NFKB1: variants seen among roughly 807,000 people sequenced by gnomAD.
NFKB1 encodes nuclear factor kappa B subunit 1, also known as nuclear factor NF-kappa-B p105 subunit.
A neutral mutation model predicts 105.1 loss-of-function variants in NFKB1; 9 were observed. The ratio of observed to expected loss-of-function variants is 0.09; its 90% CI spans 0.05 to 0.15. The LOEUF is 0.15. NFKB1 is among the 10% of genes least tolerant of loss of function. The probability of loss-of-function intolerance (pLI) is 1.00; values close to 1 mark genes in which losing one functional copy is unlikely to be tolerated. For missense variants in NFKB1, 830 were observed against 1,203.7 expected, an observed-to-expected ratio of 0.69 and a Z score of 4.59; for synonymous variants, 440 against 442.2, an observed-to-expected ratio of 1.00 and a Z score of 0.06.
At chr4:102,558,587 A>G (rs938213862) in intron 5 of NFKB1, among the ~76,000 whole-genome samples, 1 of 152,204 alleles carries the variant, frequency 6.6e-6, no homozygotes, top group Non-Finnish European at 1.5e-5. Flanking sequence ...AATGCCCACA[A>G]TATGACAAGC....
At chr4:102,518,816 G>T (rs1278058732) in intron 1 of NFKB1, among the ~76,000 whole-genome samples, 1 of 152,184 alleles carries the variant, frequency 6.6e-6, no homozygotes, top group Non-Finnish European at 1.5e-5. Context: ...AGGACTGCCT[G>T]TCTGTGCTCC....
intron 13 of NFKB1, among the ~76,000 whole-genome samples, chr4:102,595,226 A>G (rs1374850245): frequency 6.6e-6 from 1 of 152,240 alleles, no homozygotes; most frequent in Non-Finnish European, 1.5e-5. Context: ...AGAAAAGAGC[A>G]TTGAAAAGAG....
chr4:102,508,301 C>G, intron 1 of NFKB1, among the ~76,000 whole-genome samples: 1 of 152,032 alleles, frequency 6.6e-6, no homozygotes, highest in African/African-American at 2.4e-5. Flanking sequence ...CAAGAACCTT[C>G]ATGATTTATA....
intron 5 of NFKB1, among the ~76,000 whole-genome samples, chr4:102,545,575 C>G (rs1250912716): frequency 2.6e-5 from 4 of 152,008 alleles, no homozygotes; most frequent in Non-Finnish European, 5.9e-5. Context: ...GGTTTAAGGG[C>G]CTGCACTCTT....
At chr4:102,517,557 G>A (rs1208623667) in intron 1 of NFKB1, among the ~76,000 whole-genome samples, 1 of 152,182 alleles carries the variant, frequency 6.6e-6, no homozygotes, top group Non-Finnish European at 1.5e-5. Context: ...CTATCCATTT[G>A]AGAAGATGAT....
chr4:102,613,240 C>A (rs1728596490), intron 22 of NFKB1, among the ~76,000 whole-genome samples, 185 bp from the exon 23 acceptor site: 1 of 152,082 alleles, frequency 6.6e-6, no homozygotes, highest in South Asian at 2.1e-4. Context: ...GGTCTTTGAG[C>A]CGAAACAGGA....
chr4:102,572,759 C>T (rs141219104), intron 6 of NFKB1, among the ~76,000 whole-genome samples: 98 of 152,276 alleles, frequency 6.4e-4, no homozygotes, highest in Middle Eastern at 3.4e-3. Flanking sequence ...GTATCTAAAA[C>T]AGTCACTTAT....
chr4:102,602,711 G>A (rs1326994041), intron 16 of NFKB1, among the ~76,000 whole-genome samples: 1 of 152,110 alleles, frequency 6.6e-6, no homozygotes, highest in Non-Finnish European at 1.5e-5. Flanking sequence ...CTTCTTCACT[G>A]GCTCTTGTGC....
At chr4:102,565,067 C>A (rs1433807846) in intron 5 of NFKB1, among the ~76,000 whole-genome samples, 4 of 152,106 alleles carry the variant, frequency 2.6e-5, no homozygotes, top group African/African-American at 9.7e-5. Flanking sequence ...ATACCCCATC[C>A]CACATTTAAG....
chr4:102,526,041 C>G (rs780461249), intron 2 of NFKB1, among the ~76,000 whole-genome samples: 5 of 152,132 alleles, frequency 3.3e-5, no homozygotes, highest in Non-Finnish European at 7.4e-5. Context: ...TTGTCACGTG[C>G]GCTTCTTCCC....
At chr4:102,514,777 C>T (rs1481656074) in intron 1 of NFKB1, among the ~76,000 whole-genome samples, 2 of 152,080 alleles carry the variant, frequency 1.3e-5, no homozygotes, top group Non-Finnish European at 1.5e-5. Context: ...TTAATAGGTG[C>T]GTACACAATA....
At position 102,597,677 on chromosome 4, in the gene NFKB1, T is replaced by A. The variant is rs1560708133; in HGVS notation, c.1637+16T>A. On this transcript the variant is annotated intron_variant, in intron 15 of 23. Coordinates refer to ENST00000226574, the MANE Select transcript of NFKB1 (RefSeq NM_003998.4). ...ATGGGGACAGGTAAGTCAGAACTTTTGCATGATAGGTTGTCCTGGGTGGGG... is the reference window on the plus strand; with the variant it reads ...ATGGGGACAGGTAAGTCAGAACTTTAGCATGATAGGTTGTCCTGGGTGGGG... The A allele has an allele frequency of 1.2e-6, 2 of 1,604,814 alleles. No individual in the cohort carries two copies. The highest frequency in any genetic ancestry group is 1.7e-6 in the Non-Finnish European group (2 of 1,173,928).
At chr4:102,610,457 A>T (rs1728291307) in intron 19 of NFKB1, 118 bp from the exon 20 acceptor site, 3 of 959,244 alleles carry the variant, frequency 3.1e-6, no homozygotes, top group Admixed American at 2.3e-5. Context: ...TTTAAAAATT[A>T]TCCAGGAGAT....
intron 1 of NFKB1, among the ~76,000 whole-genome samples, chr4:102,506,202 T>A (rs1175970273): frequency 2.0e-5 from 3 of 152,150 alleles, no homozygotes; most frequent in Non-Finnish European, 4.4e-5. Flanking sequence ...AAAAATGTAA[T>A]TTTTTGGTGA....
rs761695940 is a variant in NFKB1, at chr4:102,612,599, A to G, written c.2585A>G (p.Asn862Ser). 3.1e-6 allele frequency: 5 copies of G among 1,613,348 alleles called. No homozygotes were observed. Among genetic ancestry groups the G allele is most frequent in the Non-Finnish European group, 4.2e-6 (5 of 1,179,896 alleles). ...GCTCCTTCCAAAACACTTATGGACA[A>G]CTATGAGGTAACACCTTACCTTACA... Reference protein sequence around the residue: ...SPAPSKTLMDNYEVSGGTVRE... With the variant: ...SPAPSKTLMDSYEVSGGTVRE... The change falls in exon 22 of 24, where the codon AAC becomes AGC. Residue 862 changes from asparagine (N) to serine (S), a missense_variant. Physicochemically the swap from Asn to Ser is conservative, Grantham distance 46 (BLOSUM62 1). This residue lies in a region of NFKB1 where 418 missense variants were observed against 575.3 expected (regional missense o/e 0.73). Transcript: ENST00000226574.
At chr4:102,589,538 G>T (rs1177283942) in intron 11 of NFKB1, among the ~76,000 whole-genome samples, 1 of 150,822 alleles carries the variant, frequency 6.6e-6, no homozygotes, top group Non-Finnish European at 1.5e-5. Context: ...AGTGTACTTT[G>T]TTACCCTGCT....
intron 5 of NFKB1, among the ~76,000 whole-genome samples, chr4:102,563,136 G>A (rs950515788): frequency 6.6e-6 from 1 of 152,180 alleles, no homozygotes; most frequent in Non-Finnish European, 1.5e-5. Context: ...ATAAAAAGAG[G>A]TAATTTGACT....
At position 102,612,457 on chromosome 4, in the gene NFKB1, G is replaced by T; in HGVS notation, c.2443G>T (p.Asp815Tyr). Residue 815 changes from aspartate (D) to tyrosine (Y), a missense_variant, in exon 22 of 24, where the codon GAT (aspartate) becomes TAT (tyrosine). Asp to Tyr is a radical substitution (Grantham distance 160). Coordinates refer to ENST00000226574, the MANE Select transcript of NFKB1 (RefSeq NM_003998.4). ...AGGAGACATGAAACAGCTGGCTGAA[G>T]ATGTGAAGCTGCAGCTGTATAAGTT... ...AQGDMKQLAE[D>Y]VKLQLYKLLE... 1 of 1,613,386 alleles carries T rather than the reference G, an allele frequency of 6.2e-7. No individual in the cohort carries two copies. The highest frequency in any genetic ancestry group is 8.5e-7 in the Non-Finnish European group (1 of 1,180,008).
rs4648079 is a variant in NFKB1, at chr4:102,599,210, C to T, written c.1637+1549C>T. Among the ~76,000 whole-genome samples the T allele has an allele frequency of 3.6e-3, 554 of 152,144 alleles. 4 individuals carry two copies. The highest frequency in any genetic ancestry group is 0.013 in the African/African-American group (541 of 41,512). ...TTTCGAGCAGTTTTAGAAGTATGAC[C>T]TTTTTCTTGGTGTATGTGCATCATG... On this transcript the variant is annotated intron_variant, in intron 15 of 23. Coordinates refer to ENST00000226574, the MANE Select transcript of NFKB1 (RefSeq NM_003998.4).
Sources: gnomAD v4.1 joint callset for allele counts (sites outside exome capture counted in the v4.1 genomes callset) on GRCh38, gnomAD v4.1.1 for gene constraint, gnomAD v4.1.1 regional missense constraint, MANE v1.5 for transcripts, NCBI Gene and HGNC (gene_info 2026-07-23, HGNC 2026-07-21) for gene names.